Variants in KIF13A observed in about 807,000 individuals in gnomAD.
KIF13A encodes the protein kinesin family member 13A.
A neutral mutation model predicts 212.2 loss-of-function variants in KIF13A; 79 were observed. The ratio of observed to expected loss-of-function variants is 0.37; its 90% CI spans 0.31 to 0.45. KIF13A has a LOEUF of 0.45. KIF13A is among the 20% of genes least tolerant of loss of function. The pLI, the probability that KIF13A is intolerant of heterozygous loss-of-function variation, is 1.00. For missense variants in KIF13A, 1,901 were observed against 2,209.0 expected (o/e 0.86, Z 2.79); for synonymous variants, 789 against 808.6 (o/e 0.98, Z 0.41).
intron 18 of KIF13A, 119 bp downstream of exon 18, chr6:17,808,649 A>G: frequency 1.1e-6 from 1 of 885,186 alleles, no homozygotes; most frequent in East Asian, 2.8e-5. Flanking sequence ...GAAAAAAATA[A>G]ACATCTCTGG....
intron 25 of KIF13A, among the ~76,000 whole-genome samples, chr6:17,791,901 C>A (rs1456506830): frequency 0.011 from 1,002 of 89,684 alleles, no homozygotes; most frequent in African/African-American, 0.012. Flanking sequence ...GACTCTGTCT[C>A]AAAAAAAAAA....
chr6:17,974,591 G>GT (rs147474037), intron 2 of KIF13A, among the ~76,000 whole-genome samples: 11,073 of 152,020 alleles, frequency 0.073, 465 homozygotes, highest in Middle Eastern at 0.13. Flanking sequence ...GTAAAATGGA[G>GT]TTTTTTTTAG....
intron 29 of KIF13A, among the ~76,000 whole-genome samples, chr6:17,782,308 A>G (rs1760666934): frequency 6.6e-6 from 1 of 152,020 alleles, no homozygotes; most frequent in African/African-American, 2.4e-5. Flanking sequence ...GAATGAATAT[A>G]TTCTTTGTTG....
intron 19 of KIF13A, among the ~76,000 whole-genome samples, 192 bp downstream of exon 19, chr6:17,805,283 T>C (rs539320716): frequency 2.0e-5 from 3 of 152,354 alleles, no homozygotes; most frequent in East Asian, 3.9e-4. Flanking sequence ...TCATGTGTTG[T>C]ATTACTGATC....
intron 2 of KIF13A, among the ~76,000 whole-genome samples, chr6:17,944,814 G>T (rs546699984): frequency 3.3e-5 from 5 of 151,410 alleles, no homozygotes; most frequent in Non-Finnish European, 7.4e-5. Context: ...CACCAATGGG[G>T]AAAAAAAACT....
chr6:17,939,988 C>T (rs1003377787), intron 2 of KIF13A, among the ~76,000 whole-genome samples: 2 of 147,686 alleles, frequency 1.4e-5, no homozygotes, highest in Non-Finnish European at 3.0e-5. Flanking sequence ...TGCAGTGAGC[C>T]GAGATCGCGC....
chr6:17,956,628 C>T (rs1778377926), intron 2 of KIF13A, among the ~76,000 whole-genome samples: 1 of 152,214 alleles, frequency 6.6e-6, no homozygotes, highest in African/African-American at 2.4e-5. Context: ...CCCCTTGTTA[C>T]AGTCCTTTGC....
Position 17,826,095 on chromosome 6 carries a change from C to T in KIF13A, c.1562G>A (p.Ser521Asn), listed in dbSNP as rs1764937840. 1 of 1,614,004 alleles carries T rather than the reference C, an allele frequency of 6.2e-7. No individual in the cohort carries two copies. Among genetic ancestry groups the T allele is most frequent in the Non-Finnish European group, 8.5e-7 (1 of 1,179,878 alleles). ...RSCVNGTLVC[S>N]TTQLWHGDRI... ...GTCACCATGCCACAGCTGGGTGGTA[C>T]TGCACACAAGGGTGCCGTTCACACA... The change falls in exon 15 of 39, where the codon AGT becomes AAT. Residue 521 changes from serine to asparagine, a missense_variant. Transcript: ENST00000259711. This position sits in a 1 kb window ranked among gnomAD's most constrained non-coding sequence, Gnocchi z 4.7.
chr6:17,921,147 G>T (rs1020134208), intron 2 of KIF13A, among the ~76,000 whole-genome samples: 1 of 152,074 alleles, frequency 6.6e-6, no homozygotes, highest in Non-Finnish European at 1.5e-5. Context: ...CAGAGTAGGG[G>T]GTCCCATAAT....
At chr6:17,932,206 G>C (rs1776043346) in intron 2 of KIF13A, among the ~76,000 whole-genome samples, 1 of 151,906 alleles carries the variant, frequency 6.6e-6, no homozygotes, top group South Asian at 2.1e-4. Flanking sequence ...TGGGGTTATG[G>C]TAGACATACT....
chr6:17,976,801 CAAAA>C (rs998413837), intron 2 of KIF13A, among the ~76,000 whole-genome samples: 44 of 98,736 alleles, frequency 4.5e-4, no homozygotes, highest in Admixed American at 7.8e-4. Context: ...GACTCCATCT[CAAAA>C]AAAAAAAAAA....
In KIF13A at chr6:17,809,316, T is replaced by C. The variant is rs1230764112; in HGVS notation, c.2001-386A>G. On this transcript the variant is annotated intron_variant, in intron 17 of 38. Transcript: ENST00000259711. This position sits in a 1 kb window ranked among gnomAD's most constrained non-coding sequence, Gnocchi z 4.7. Reference sequence around the variant, plus strand: ...TTGGCAGATGAGAGAAACCTGGAGTTAGGAGAAGAAATTATTTTTCATGAC... The same window carrying C: ...TTGGCAGATGAGAGAAACCTGGAGTCAGGAGAAGAAATTATTTTTCATGAC... Among the ~76,000 whole-genome samples the C allele has an allele frequency of 6.6e-6, 1 of 152,138 alleles. No homozygotes were observed. Among genetic ancestry groups the C allele is most frequent in the South Asian group, 2.1e-4 (1 of 4,834 alleles).
chr6:17,975,947 C>T (rs1409400334), intron 2 of KIF13A, among the ~76,000 whole-genome samples: 3 of 145,074 alleles, frequency 2.1e-5, no homozygotes, highest in Admixed American at 2.0e-4. Flanking sequence ...AAGGCCCCAC[C>T]AGAGTAGCTA....
intron 9 of KIF13A, among the ~76,000 whole-genome samples, chr6:17,847,946 G>A (rs1425494973): frequency 6.6e-6 from 1 of 152,004 alleles, no homozygotes; most frequent in Non-Finnish European, 1.5e-5. Flanking sequence ...CGAGTAGCTG[G>A]GATTACAGGC....
At chr6:17,818,965 T>G (rs552495572) in intron 16 of KIF13A, among the ~76,000 whole-genome samples, 6 of 152,080 alleles carry the variant, frequency 3.9e-5, no homozygotes, top group African/African-American at 1.2e-4. Flanking sequence ...GTTTTCTTTG[T>G]AGAGTCCTGA....
Position 17,788,872 on chromosome 6 carries a change from G to A in KIF13A, c.3262-997C>T, listed in dbSNP as rs1036652126. On this transcript the variant is annotated intron_variant, in intron 26 of 38. Transcript: ENST00000259711. Reference sequence around the variant, plus strand: ...CCCGAGTAGCTGGGATTATAGGCGCGCGCCACCACGCCCAGCTAATTTTTG... The same window carrying A: ...CCCGAGTAGCTGGGATTATAGGCGCACGCCACCACGCCCAGCTAATTTTTG... Among the ~76,000 whole-genome samples the A allele has an allele frequency of 2.6e-5, 4 of 152,088 alleles. No homozygotes were observed. In the South Asian group the frequency reaches 6.2e-4, roughly 24 times the overall value.
At chr6:17,929,899 A>G (rs1460814994) in intron 2 of KIF13A, among the ~76,000 whole-genome samples, 1 of 152,206 alleles carries the variant, frequency 6.6e-6, no homozygotes, top group Non-Finnish European at 1.5e-5. Context: ...ATGCAAACAC[A>G]TTAGCCAGTC....
At chr6:17,760,567 G>A (rs1178654850), downstream of KIF13A, 3 of 536,752 alleles carry the variant, frequency 5.6e-6, no homozygotes, top group East Asian at 6.2e-5. Flanking sequence ...GTGGAGGTGT[G>A]TAGTAAGTGC....
At position 17,776,757 on chromosome 6, in the gene KIF13A, A is replaced by AGT. The variant is rs1760019559; in HGVS notation, c.4170+518_4170+519dup. ...CTAATCTGTCCTATCCCTCTGTGAC[A>AGT]GTGTCCCCCCTGCTAGGATCAGTTT... On this transcript the variant is annotated intron_variant, in intron 34 of 38. Coordinates refer to ENST00000259711, the MANE Select transcript of KIF13A (RefSeq NM_022113.6). The surrounding 1 kb of genome is among the most constrained non-coding windows in gnomAD (Gnocchi z 4.6). 6.6e-6 allele frequency among the ~76,000 whole-genome samples: 1 copy of AGT among 152,214 alleles called. No homozygotes were observed. Among genetic ancestry groups the AGT allele is most frequent in the Admixed American group, 6.5e-5 (1 of 15,288 alleles).
Sources: allele counts gnomAD v4.1 joint callset (sites outside exome capture counted in the v4.1 genomes callset), GRCh38; gene constraint gnomAD v4.1.1; non-coding constraint Gnocchi (gnomAD v3.1); transcripts MANE v1.5; gene names NCBI Gene and HGNC (gene_info 2026-07-23, HGNC 2026-07-21).